Variants in GRID1 observed in about 807,000 individuals in gnomAD.
The protein encoded by GRID1 is glutamate receptor ionotropic, delta-1.
Under a neutral mutation model 98.0 loss-of-function variants are expected in GRID1, and 28 were observed. That is an observed-to-expected ratio of 0.29 (90% CI 0.21 to 0.39). The LOEUF is 0.39. Ranked by LOEUF, GRID1 falls within the 10% of genes least tolerant of loss-of-function variation. The pLI, the probability that GRID1 is intolerant of heterozygous loss-of-function variation, is 1.00. For missense variants in GRID1, 1,111 were observed against 1,340.5 expected (o/e 0.83, Z 2.67); for synonymous variants, 553 against 538.5 (o/e 1.03, Z -0.37).
At chr10:85,985,643 C>T (rs534838815) in intron 4 of GRID1, among the ~76,000 whole-genome samples, 3 of 152,318 alleles carry the variant, frequency 2.0e-5, no homozygotes, top group East Asian at 3.9e-4. Flanking sequence ...GAAATGCTAC[C>T]TGCACTCACA....
intron 12 of GRID1, among the ~76,000 whole-genome samples, chr10:85,691,769 C>G (rs1841335472): frequency 1.3e-5 from 2 of 152,200 alleles, no homozygotes; most frequent in Admixed American, 1.3e-4. Context: ...ATGTGAACAG[C>G]TCTGCATGGC....
chr10:86,187,574 A>G (rs530354551), intron 3 of GRID1, among the ~76,000 whole-genome samples: 1 of 152,338 alleles, frequency 6.6e-6, no homozygotes, highest in East Asian at 1.9e-4. Flanking sequence ...GATTCCCAGG[A>G]GCAGCCAGAG....
At chr10:86,061,254 C>G (rs868339612) in intron 4 of GRID1, among the ~76,000 whole-genome samples, 1 of 152,190 alleles carries the variant, frequency 6.6e-6, no homozygotes, top group African/African-American at 2.4e-5. Flanking sequence ...CTCAAGAGAA[C>G]CAAATAACAA....
At chr10:86,202,342 T>C (rs768571759) in intron 3 of GRID1, among the ~76,000 whole-genome samples, 22 of 152,244 alleles carry the variant, frequency 1.4e-4, no homozygotes, top group Non-Finnish European at 2.4e-4. Flanking sequence ...GTCAATGATA[T>C]CTAAGAGCTC....
intron 2 of GRID1, among the ~76,000 whole-genome samples, chr10:86,247,982 C>A (rs1846758395): frequency 6.6e-6 from 1 of 152,226 alleles, no homozygotes; most frequent in Non-Finnish European, 1.5e-5. Flanking sequence ...CCCTGACAAC[C>A]AGATCCCCCC....
intron 2 of GRID1, among the ~76,000 whole-genome samples, chr10:86,339,131 G>T (rs1179833101): frequency 6.6e-6 from 1 of 152,198 alleles, no homozygotes; most frequent in Non-Finnish European, 1.5e-5. Context: ...CACAGTGCCT[G>T]GTGCCTGGCC....
intron 2 of GRID1, among the ~76,000 whole-genome samples, chr10:86,242,775 G>A (rs1158816200): frequency 6.6e-6 from 1 of 152,210 alleles, no homozygotes; most frequent in Non-Finnish European, 1.5e-5. Flanking sequence ...GCTTTGCATG[G>A]TGACCTTGCT....
chr10:85,787,736 C>T (rs901296493), intron 8 of GRID1, among the ~76,000 whole-genome samples: 3 of 152,172 alleles, frequency 2.0e-5, no homozygotes, highest in Non-Finnish European at 2.9e-5. Flanking sequence ...ATCACCCAGC[C>T]GGCCTAAATG....
At chr10:85,848,007 A>G (rs1331074586) in intron 8 of GRID1, among the ~76,000 whole-genome samples, 1 of 152,204 alleles carries the variant, frequency 6.6e-6, no homozygotes, top group Non-Finnish European at 1.5e-5. Context: ...ATAATTTACA[A>G]AAATGTGAAA....
chr10:86,054,147 T>C (rs1287696782), intron 4 of GRID1, among the ~76,000 whole-genome samples: 2 of 151,764 alleles, frequency 1.3e-5, no homozygotes, highest in African/African-American at 4.8e-5. Context: ...AAGCCAGAAG[T>C]GTTATCATCC....
chr10:86,250,811 C>T (rs1368080316), intron 2 of GRID1, among the ~76,000 whole-genome samples: 1 of 152,168 alleles, frequency 6.6e-6, no homozygotes, highest in Non-Finnish European at 1.5e-5. Flanking sequence ...GTGGGGGGCC[C>T]CTCTGCCCGG....
intron 3 of GRID1, among the ~76,000 whole-genome samples, chr10:86,170,222 T>A (rs2131992603): frequency 6.6e-6 from 1 of 152,200 alleles, no homozygotes; most frequent in Admixed American, 6.5e-5. Context: ...GTACCAGCCC[T>A]CCCAGAGCAT....
At chr10:86,301,489 G>T (rs779845446) in intron 2 of GRID1, among the ~76,000 whole-genome samples, 5 of 152,226 alleles carry the variant, frequency 3.3e-5, no homozygotes, top group Admixed American at 6.5e-5. Flanking sequence ...ATCTCTGCCA[G>T]CTCTTTAAAG....
intron 8 of GRID1, among the ~76,000 whole-genome samples, chr10:85,788,518 T>C (rs1842450536): frequency 6.6e-6 from 1 of 152,048 alleles, no homozygotes. Context: ...GCCAGTGAAG[T>C]TTTCTTGGCC....
intron 12 of GRID1, among the ~76,000 whole-genome samples, chr10:85,689,617 T>C (rs192567597): frequency 1.3e-5 from 2 of 152,084 alleles, no homozygotes; most frequent in Non-Finnish European, 2.9e-5. Flanking sequence ...AACCAAAAGA[T>C]AGCATGGCAA....
chr10:85,785,023 C>T (rs566671314), intron 8 of GRID1, among the ~76,000 whole-genome samples: 7 of 152,266 alleles, frequency 4.6e-5, no homozygotes, highest in Non-Finnish European at 8.8e-5. Context: ...CCGATGCTCT[C>T]CCTTGTATGT....
In GRID1 at chr10:85,738,803, T is replaced by A. The variant is rs148433488; in HGVS notation, c.1234-9189A>T. 7.4e-3 allele frequency among the ~76,000 whole-genome samples: 1,131 copies of A among 152,272 alleles called. 8 individuals are homozygous for A. The highest frequency in any genetic ancestry group is 0.031 in the South Asian group (148 of 4,826). ...TGGCATTCTCGCAAAGGCAATATTA[T>A]AGGTACTGAAAATAGATCAATGTTT... On this transcript the variant is annotated intron_variant, in intron 8 of 15. Transcript: ENST00000327946.
At chr10:85,643,871 A>G (rs1490658135) in intron 13 of GRID1, among the ~76,000 whole-genome samples, 2 of 152,218 alleles carry the variant, frequency 1.3e-5, no homozygotes, top group Non-Finnish European at 2.9e-5. Flanking sequence ...AGGCATTGAT[A>G]AGAAATCCTT....
At chr10:85,852,793 C>G (rs1843072165) in intron 8 of GRID1, among the ~76,000 whole-genome samples, 1 of 152,114 alleles carries the variant, frequency 6.6e-6, no homozygotes, top group Non-Finnish European at 1.5e-5. Flanking sequence ...AGTCTCACAG[C>G]TTTGGGCATT....
Sources: allele counts gnomAD v4.1 joint callset (sites outside exome capture counted in the v4.1 genomes callset), GRCh38; gene constraint gnomAD v4.1.1; transcripts MANE v1.5; gene names NCBI Gene and HGNC (gene_info 2026-07-23, HGNC 2026-07-21).